Variants in ASAP1 observed in about 807,000 individuals in gnomAD.
The protein encoded by ASAP1 is arf-GAP with SH3 domain, ANK repeat and PH domain-containing protein 1.
A neutral mutation model predicts 145.2 loss-of-function variants in ASAP1; 43 were observed. That is an observed-to-expected ratio of 0.30 (90% CI 0.23 to 0.38). The LOEUF is 0.38. ASAP1 is among the 10% of genes least tolerant of loss of function. ASAP1 has a pLI of 1.00. For missense variants in ASAP1, 1,018 were observed against 1,355.3 expected, an observed-to-expected ratio of 0.75 and a Z score of 3.91; for synonymous variants, 546 against 515.5, an observed-to-expected ratio of 1.06 and a Z score of -0.80.
At chr8:130,058,136 C>T (rs990059582) in intron 28 of ASAP1, 60 bp from the exon 29 acceptor site, 28 of 1,583,416 alleles carry the variant, frequency 1.8e-5, no homozygotes, top group African/African-American at 6.7e-5. Context: ...AAAAGAGCAG[C>T]GGTTCTTTGT....
chr8:130,149,496 G>C (rs1260982154), intron 13 of ASAP1, among the ~76,000 whole-genome samples: 1 of 152,048 alleles, frequency 6.6e-6, no homozygotes, highest in Non-Finnish European at 1.5e-5. Context: ...AATCACCTCT[G>C]GTGCAGACCT....
chr8:130,179,099 C>A (rs929182236), intron 9 of ASAP1, 165 bp downstream of exon 9: 4 of 492,314 alleles, frequency 8.1e-6, no homozygotes, highest in South Asian at 6.7e-5. Context: ...GTATAAAACA[C>A]TGAAGATGGA....
At chr8:130,184,779 T>C (rs1814605031) in intron 7 of ASAP1, among the ~76,000 whole-genome samples, 1 of 152,228 alleles carries the variant, frequency 6.6e-6, no homozygotes, top group Non-Finnish European at 1.5e-5. Context: ...GAGAACTTAG[T>C]AGAAACTATT....
At chr8:130,422,089 G>C (rs936087212) in intron 1 of ASAP1, among the ~76,000 whole-genome samples, 2 of 152,198 alleles carry the variant, frequency 1.3e-5, no homozygotes, top group Non-Finnish European at 2.9e-5. Flanking sequence ...GGTCAGGAAC[G>C]GCCTCCTGGA....
chr8:130,416,289 C>A (rs1476478193), intron 1 of ASAP1, among the ~76,000 whole-genome samples: 1 of 152,226 alleles, frequency 6.6e-6, no homozygotes, highest in Non-Finnish European at 1.5e-5. Context: ...AGCAACCCCA[C>A]ACTCCGTCTC....
At chr8:130,063,801 T>C (rs540349143) in intron 27 of ASAP1, among the ~76,000 whole-genome samples, 1 of 152,186 alleles carries the variant, frequency 6.6e-6, no homozygotes, top group Non-Finnish European at 1.5e-5. Flanking sequence ...TTGCTGGGCA[T>C]GTGCCGTGCC....
rs1565142439 is a variant in ASAP1, at chr8:130,256,739, T to TATATATATATA, written c.187-19746_187-19745insTATATATATAT. On this transcript the variant is annotated intron_variant, in intron 3 of 29. Transcript: ENST00000518721. ...ATCTTCTTCCTGAATATACACATTC[T>TATATATATATA]TATATATATATATATATATATATAT... Among the ~76,000 whole-genome samples, 94 of 95,888 alleles carry TATATATATATA rather than the reference T, an allele frequency of 9.8e-4. 11 individuals are homozygous for TATATATATATA. The highest frequency in any genetic ancestry group is 1.5e-3 in the Non-Finnish European group (72 of 49,590). The allele number at this position is 95,888 out of a possible 152,430, so 62.9% of individuals were successfully genotyped here. A position where few individuals can be genotyped will look rare whatever the true frequency, so the allele number is the denominator to read the frequency against.
At chr8:130,324,325 A>G (rs1279478044) in intron 3 of ASAP1, among the ~76,000 whole-genome samples, 1 of 152,214 alleles carries the variant, frequency 6.6e-6, no homozygotes. Flanking sequence ...GTAAGGAAAC[A>G]GCAGGTCTGG....
chr8:130,441,197 A>G (rs1830477415), intron 1 of ASAP1, among the ~76,000 whole-genome samples: 1 of 152,232 alleles, frequency 6.6e-6, no homozygotes, highest in Non-Finnish European at 1.5e-5. Context: ...CCCACAGGGA[A>G]GCCACTTAGC....
At chr8:130,238,386 C>T (rs1191411302) in intron 3 of ASAP1, among the ~76,000 whole-genome samples, 2 of 152,090 alleles carry the variant, frequency 1.3e-5, no homozygotes, top group African/African-American at 4.8e-5. Context: ...AGAGACACTC[C>T]TCTGGCATCT....
At chr8:130,321,018 T>C (rs1045337819) in intron 3 of ASAP1, among the ~76,000 whole-genome samples, 1 of 152,176 alleles carries the variant, frequency 6.6e-6, no homozygotes, top group Admixed American at 6.5e-5. Context: ...CCCAAATATA[T>C]AAATCAAGAA....
At chr8:130,344,275 AT>A (rs150513478) in intron 3 of ASAP1, among the ~76,000 whole-genome samples, 2 of 151,726 alleles carry the variant, frequency 1.3e-5, no homozygotes, top group Admixed American at 6.6e-5. Flanking sequence ...TAAATAAACC[AT>A]TTTTTTTTAA....
At chr8:130,140,083 A>C (rs2097606612) in intron 13 of ASAP1, among the ~76,000 whole-genome samples, 1 of 148,390 alleles carries the variant, frequency 6.7e-6, no homozygotes, top group Non-Finnish European at 1.5e-5. Context: ...GCCAGGCTAG[A>C]GTGCACTGGG....
At chr8:130,094,260 G>A (rs557232200) in intron 24 of ASAP1, among the ~76,000 whole-genome samples, 1 of 152,168 alleles carries the variant, frequency 6.6e-6, no homozygotes, top group South Asian at 2.1e-4. Flanking sequence ...ATCCTGCTTG[G>A]AGTGCAGTGG....
intron 13 of ASAP1, among the ~76,000 whole-genome samples, chr8:130,146,662 G>C (rs1225806221): frequency 2.6e-5 from 4 of 152,152 alleles, no homozygotes; most frequent in African/African-American, 7.2e-5. Flanking sequence ...CCTGTTTCCT[G>C]TATGTGCTTT....
chr8:130,064,437 G>A (rs1380010572), intron 27 of ASAP1, among the ~76,000 whole-genome samples: 1 of 152,114 alleles, frequency 6.6e-6, no homozygotes, highest in Non-Finnish European at 1.5e-5. Context: ...TTAACAGACG[G>A]GGACACTGAG....
rs547192923 is a variant in ASAP1, at chr8:130,120,779, C to G, written c.1608-2104G>C. Among the ~76,000 whole-genome samples, 13 of 152,358 alleles carry G rather than the reference C, an allele frequency of 8.5e-5. No individual in the cohort carries two copies. The South Asian group carries it at 1.4e-3, about 17-fold the overall frequency. On this transcript the variant is annotated intron_variant, in intron 18 of 29. Transcript: ENST00000518721. ...CTAATTCTGTGGCCATAGGAAGTATCTGGCCTCTTACTAGGCACAATGCCT... is the reference window on the plus strand; with the variant it reads ...CTAATTCTGTGGCCATAGGAAGTATGTGGCCTCTTACTAGGCACAATGCCT...
chr8:130,080,395 A>C (rs2097476364), intron 25 of ASAP1, among the ~76,000 whole-genome samples: 1 of 152,114 alleles, frequency 6.6e-6, no homozygotes. Flanking sequence ...GTGCATGTGA[A>C]CACCATTAGC....
Position 130,167,131 on chromosome 8 carries a change from C to G in ASAP1, c.909+405G>C, listed in dbSNP as rs553648844. Among the ~76,000 whole-genome samples the G allele has an allele frequency of 2.0e-5, 3 of 152,056 alleles. No individual in the cohort carries two copies. The South Asian group carries it at 6.2e-4, about 32-fold the overall frequency. On this transcript the variant is annotated intron_variant, in intron 11 of 29. Transcript: ENST00000518721. Reference sequence around the variant, plus strand: ...CCAGCCAGGGCAACATGGTCAAACTCCATCTCTACAAAAAATACAAAAATT... The same window carrying G: ...CCAGCCAGGGCAACATGGTCAAACTGCATCTCTACAAAAAATACAAAAATT...
Sources: gnomAD v4.1 joint callset for allele counts (sites outside exome capture counted in the v4.1 genomes callset) on GRCh38, gnomAD v4.1.1 for gene constraint, MANE v1.5 for transcripts, NCBI Gene and HGNC (gene_info 2026-07-23, HGNC 2026-07-21) for gene names.